The following TRAF3IP1 variants were observed in gnomAD, a reference collection of about 807,000 sequenced individuals.
The protein encoded by TRAF3IP1 is intraflagellar transport 54.
In TRAF3IP1, 53 loss-of-function variants were observed where a neutral mutation model predicts 89.9. The observed-to-expected ratio is 0.59, with a 90% CI of 0.47 to 0.74. TRAF3IP1 has a LOEUF of 0.74. Among genes scored for constraint, TRAF3IP1 ranks in the 30% least tolerant of loss-of-function variants. TRAF3IP1 has a pLI of 0.00. For synonymous variants in TRAF3IP1, 311 were observed against 322.1 expected (o/e 0.97, Z 0.37); for missense variants, 806 against 866.1 (o/e 0.93, Z 0.87).
intron 10 of TRAF3IP1, among the ~76,000 whole-genome samples, chr2:238,348,438 G>A (rs1424541215): frequency 3.3e-5 from 5 of 152,174 alleles, no homozygotes; most frequent in Admixed American, 6.5e-5. Flanking sequence ...ATCTTGACAT[G>A]TGTCCATTTC....
intron 15 of TRAF3IP1, among the ~76,000 whole-genome samples, chr2:238,390,956 C>G (rs911402050): frequency 7.9e-5 from 12 of 152,120 alleles, no homozygotes; most frequent in Middle Eastern, 3.4e-3. Flanking sequence ...CTTTTCTTTT[C>G]TTTTTTCTTT....
chr2:238,349,472 C>G, intron 12 of TRAF3IP1, 64 bp downstream of exon 12: 1 of 1,507,494 alleles, frequency 6.6e-7, no homozygotes, highest in Non-Finnish European at 9.2e-7. Flanking sequence ...CATGGTGCCT[C>G]CGCTAAGAGA....
rs144119950 is a variant in TRAF3IP1, at chr2:238,355,474, T to C, written c.1613-530T>C. On this transcript the variant is annotated intron_variant, in intron 14 of 16. Transcript: ENST00000373327. The stretch of plus-strand genomic sequence containing the variant: ...GCAATGCAGAGAAACCATCCTCATT[T>C]CCTTCATAGCCACGTCGTCCTCCAC... 7.0e-3 allele frequency among the ~76,000 whole-genome samples: 1,072 copies of C among 152,404 alleles called. 11 individuals carry two copies. The highest frequency in any genetic ancestry group is 0.024 in the African/African-American group (989 of 41,596).
At chr2:238,328,646 T>C (rs1316023779) in intron 3 of TRAF3IP1, 40 bp from the exon 4 acceptor site, 1 of 1,596,874 alleles carries the variant, frequency 6.3e-7, no homozygotes, top group Admixed American at 1.7e-5. Context: ...GCGGATCTCA[T>C]TTCACCTAAC....
chr2:238,332,193 T>C lies in TRAF3IP1; in HGVS notation c.916-631T>C, dbSNP rs151330449. On this transcript the variant is annotated intron_variant, in intron 5 of 16. Transcript: ENST00000373327. ...TTGTTGAAATATCGAACAGGCATTC[T>C]TTGCTTTTCAGTCTTCCTAGAGGAA... is the stretch of plus-strand genomic sequence containing the variant. 3.9e-3 allele frequency among the ~76,000 whole-genome samples: 596 copies of C among 152,336 alleles called. 2 individuals are homozygous for C. Among genetic ancestry groups the C allele is most frequent in the African/African-American group, 0.014 (570 of 41,570 alleles).
At chr2:238,383,609 G>A (rs1345815893) in intron 15 of TRAF3IP1, among the ~76,000 whole-genome samples, 1 of 152,136 alleles carries the variant, frequency 6.6e-6, no homozygotes, top group South Asian at 2.1e-4. Context: ...CCTCTCTAAC[G>A]TTTCCTAAGG....
Position 238,344,508 on chromosome 2 carries a change from G to A in TRAF3IP1, c.1171G>A (p.Ala391Thr), listed in dbSNP as rs764320525. 2 of 1,613,948 alleles carry A rather than the reference G, an allele frequency of 1.2e-6. No individual in the cohort carries two copies. The highest frequency in any genetic ancestry group is 2.2e-5 in the South Asian group (2 of 91,076). ...CTGTTTTATGTCAGGAACAAAAGAA[G>A]CTAATATTAACTCAACTAGTATTTC... ...TTTSEIGTKE[A>T]NINSTSISDD... Residue 391 changes from alanine to threonine, a missense_variant, in exon 9 of 17, where the codon GCT becomes ACT. By Grantham distance (58) the Ala-to-Thr change is moderately conservative. Transcript: ENST00000373327.
chr2:238,350,866 G>A (rs1185902408), intron 12 of TRAF3IP1, among the ~76,000 whole-genome samples: 1 of 152,106 alleles, frequency 6.6e-6, no homozygotes, highest in Non-Finnish European at 1.5e-5. Flanking sequence ...GGGCTCGGCT[G>A]TGCCAAGCAA....
intron 15 of TRAF3IP1, among the ~76,000 whole-genome samples, chr2:238,395,665 T>A (rs1287960660): frequency 4.0e-5 from 6 of 151,702 alleles, no homozygotes; most frequent in African/African-American, 9.7e-5. Flanking sequence ...GAATCTACAA[T>A]GAACTCAAAC....
intron 15 of TRAF3IP1, 114 bp from the exon 16 acceptor site, chr2:238,397,345 G>T: frequency 1.2e-6 from 1 of 850,922 alleles, no homozygotes; most frequent in Non-Finnish European, 1.9e-6. Context: ...AACCAGCACT[G>T]TCTCTGCCTG....
chr2:238,372,231 T>G (rs1210356762), intron 15 of TRAF3IP1, among the ~76,000 whole-genome samples: 4 of 152,180 alleles, frequency 2.6e-5, no homozygotes, highest in Non-Finnish European at 5.9e-5. Context: ...GCTGCACCCA[T>G]CAACTCGTCA....
In TRAF3IP1 at chr2:238,357,686, T is replaced by C. The variant is rs200575854; in HGVS notation, c.1689+1606T>C. ...TTGATGGAATGTTAATACATTATAG[T>C]CCTTTCTGTATGCATGAGGGGTTGT... is the stretch of plus-strand genomic sequence containing the variant. On this transcript the variant is annotated intron_variant, in intron 15 of 16. Coordinates refer to ENST00000373327, the MANE Select transcript of TRAF3IP1 (RefSeq NM_015650.4). Among the ~76,000 whole-genome samples the C allele has an allele frequency of 1.3e-3, 194 of 152,336 alleles. 7 individuals carry two copies. The East Asian group carries it at 0.028, about 22-fold the overall frequency.
chr2:238,367,702 C>T (rs752320162), intron 15 of TRAF3IP1, among the ~76,000 whole-genome samples: 1 of 152,130 alleles, frequency 6.6e-6, no homozygotes, highest in South Asian at 2.1e-4. Flanking sequence ...TGCACCTGCA[C>T]CACAACTCAC....
At chr2:238,337,769 G>A (rs1698454235) in intron 7 of TRAF3IP1, among the ~76,000 whole-genome samples, 1 of 152,148 alleles carries the variant, frequency 6.6e-6, no homozygotes, top group African/African-American at 2.4e-5. Flanking sequence ...TGACATAGAC[G>A]GTTCTGGGAG....
Position 238,399,707 on chromosome 2 carries a change from AG to A in TRAF3IP1, c.*791del, listed in dbSNP as rs1335678759. On this transcript the variant is annotated 3_prime_UTR_variant, in exon 17 of 17. Coordinates refer to ENST00000373327, the MANE Select transcript of TRAF3IP1 (RefSeq NM_015650.4). ...CCCCGGAGTCCTTGTTCTCCTTAAG[AG>A]GGTCTCGCTCTGCAAAGCATTGGCG... is the stretch of plus-strand genomic sequence containing the variant. 6.6e-6 allele frequency: 1 copy of A among 152,122 alleles called. No homozygotes were observed. The highest frequency in any genetic ancestry group is 2.4e-5 in the African/African-American group (1 of 41,430). 9.4% of individuals were successfully genotyped at this position (152,122 alleles called of 1,614,324 possible).
chr2:238,367,426 C>G (rs1375796381), intron 15 of TRAF3IP1, among the ~76,000 whole-genome samples: 1 of 152,086 alleles, frequency 6.6e-6, no homozygotes, highest in Non-Finnish European at 1.5e-5. Context: ...AGTGAGACAT[C>G]ATGAAATTGT....
chr2:238,397,370 G>A lies in TRAF3IP1; in HGVS notation c.1690-89G>A, dbSNP rs1035702916. On this transcript the variant is annotated intron_variant, in intron 15 of 16. Transcript: ENST00000373327. The stretch of plus-strand genomic sequence containing the variant: ...GTCTCTGCCTGCGCCTTTCCTCCCA[G>A]CCCCATGGCCGTGTGCTGAGTGCAC... 1.0e-5 allele frequency: 12 copies of A among 1,187,118 alleles called. No homozygotes were observed. The African/African-American group carries it at 1.8e-4, about 18-fold the overall frequency. The allele number at this position is 1,187,118 out of a possible 1,614,324, so 73.5% of individuals were successfully genotyped here. A position where few individuals can be genotyped will look rare whatever the true frequency, so the allele number is the denominator to read the frequency against.
rs150121338 is a variant in TRAF3IP1, at chr2:238,379,508, A to G, written c.1690-17951A>G. 3.3e-5 allele frequency among the ~76,000 whole-genome samples: 5 copies of G among 152,266 alleles called. No individual in the cohort carries two copies. The highest frequency in any genetic ancestry group is 7.4e-5 in the Non-Finnish European group (5 of 68,006). On this transcript the variant is annotated intron_variant, in intron 15 of 16. Coordinates refer to ENST00000373327, the MANE Select transcript of TRAF3IP1 (RefSeq NM_015650.4). The surrounding 1 kb of genome is among the most constrained non-coding windows in gnomAD (Gnocchi z 4.0). ...TGGTGCCATCACTTGGGTATTTGGA[A>G]CTTGACCATCCTGTATGTGAATTTT...
At chr2:238,353,690 C>T (rs934485200) in intron 14 of TRAF3IP1, among the ~76,000 whole-genome samples, 2 of 152,142 alleles carry the variant, frequency 1.3e-5, no homozygotes, top group African/African-American at 4.8e-5. Context: ...CACAATATGA[C>T]TTTGTTTCCT....
Sources: gnomAD v4.1 joint callset for allele counts (sites outside exome capture counted in the v4.1 genomes callset) on GRCh38, gnomAD v4.1.1 for gene constraint, Gnocchi (gnomAD v3.1) non-coding constraint, MANE v1.5 for transcripts, NCBI Gene and HGNC (gene_info 2026-07-23, HGNC 2026-07-21) for gene names.